Variants in RPL22 observed in about 807,000 individuals in gnomAD.
RPL22 encodes the protein ribosomal protein L22, also known as large ribosomal subunit protein eL22.
A neutral mutation model predicts 16.2 loss-of-function variants in RPL22; 4 were observed. The observed-to-expected ratio is 0.25, with a 90% confidence interval of 0.12 to 0.57. RPL22 has a LOEUF of 0.57. RPL22 is among the 20% of genes least tolerant of loss of function. The pLI is 0.92. For synonymous variants in RPL22, 43 were observed against 54.8 expected (o/e 0.78, Z 0.95); for missense variants, 83 against 156.1 (o/e 0.53, Z 2.49).
chr1:6,196,305 C>A (rs529223960), intron 2 of RPL22, among the ~76,000 whole-genome samples: 1 of 151,960 alleles, frequency 6.6e-6, no homozygotes, highest in Admixed American at 6.6e-5. Context: ...CATGTGAATA[C>A]CAAACTGGAA....
rs778744799 is a variant in RPL22 at position 6,199,353 on chromosome 1, G to A, written c.12+209C>T. ...GGGCCCCGGGCCTCCGAGACCTCCC[G>A]GATCTCCCTCACGAGCCTCGGGCCG... On this transcript the variant is annotated intron_variant, in intron 1 of 3. Coordinates refer to ENST00000234875, the MANE Select transcript of RPL22 (RefSeq NM_000983.4). 1.2e-3 allele frequency: 1,576 copies of A among 1,302,096 alleles called. 3 individuals carry two copies. The highest frequency in any genetic ancestry group is 7.7e-3 in the Middle Eastern group (26 of 3,394). 80.7% of individuals were successfully genotyped at this position (1,302,096 alleles called of 1,614,324 possible).
chr1:6,196,532 C>A (rs1335698852), intron 2 of RPL22, among the ~76,000 whole-genome samples: 1 of 152,108 alleles, frequency 6.6e-6, no homozygotes, highest in Non-Finnish European at 1.5e-5. Flanking sequence ...TGATACTGAT[C>A]CTGGCAATAG....
Position 6,185,255 on chromosome 1 carries a change from T to G in RPL22, c.*1417A>C. ...GGAACATCAATGCAACAAGTAGAAT[T>G]TGTAAACTCAAGCCACAAACTTAGT... On this transcript the variant is annotated 3_prime_UTR_variant, in exon 4 of 4. Coordinates refer to ENST00000234875, the MANE Select transcript of RPL22 (RefSeq NM_000983.4). 1 of 398,932 alleles carries G rather than the reference T, an allele frequency of 2.5e-6. No individual in the cohort carries two copies. Among genetic ancestry groups the G allele is most frequent in the Non-Finnish European group, 4.4e-6 (1 of 226,046 alleles). 24.7% of individuals were successfully genotyped at this position (398,932 alleles called of 1,614,324 possible).
At position 6,186,426 on chromosome 1, in the gene RPL22, T is replaced by A; in HGVS notation, c.*246A>T. On this transcript the variant is annotated 3_prime_UTR_variant, in exon 4 of 4. Coordinates refer to ENST00000234875, the MANE Select transcript of RPL22 (RefSeq NM_000983.4). ...TCCACACCCGCATCTGCCTCCCCAATGGCTGTCAGTTCGGTAAAGTCACCC... is the reference window on the plus strand; with the variant it reads ...TCCACACCCGCATCTGCCTCCCCAAAGGCTGTCAGTTCGGTAAAGTCACCC... The A allele has an allele frequency of 2.5e-6, 1 of 394,886 alleles. No individual in the cohort carries two copies. Among genetic ancestry groups the A allele is most frequent in the South Asian group, 3.2e-5 (1 of 30,830 alleles). The allele number at this position is 394,886 out of a possible 1,614,324, so 24.5% of individuals were successfully genotyped here. A position where few individuals can be genotyped will look rare whatever the true frequency, so the allele number is the denominator to read the frequency against.
intron 1 of RPL22, 47 bp downstream of exon 1, chr1:6,199,515 C>T: frequency 6.5e-7 from 1 of 1,549,792 alleles, no homozygotes; most frequent in East Asian, 2.4e-5. Context: ...TCGGCGAGGC[C>T]CACGTGCCTC....
chr1:6,187,625 A>AC (rs1667599546), intron 3 of RPL22, among the ~76,000 whole-genome samples: 1 of 150,882 alleles, frequency 6.6e-6, no homozygotes, highest in Non-Finnish European at 1.5e-5. Flanking sequence ...AAAAAAAAAA[A>AC]ACAAAAAAAA....
Position 6,186,140 on chromosome 1 carries a change from TC to T in RPL22, c.*531del, listed in dbSNP as rs1667579266. 1 of 233,536 alleles carries T rather than the reference TC, an allele frequency of 4.3e-6. No homozygotes were observed. The highest frequency in any genetic ancestry group is 5.6e-5 in the Admixed American group (1 of 17,880). 14.5% of individuals were successfully genotyped at this position (233,536 alleles called of 1,614,324 possible). A position where few individuals can be genotyped will look rare whatever the true frequency, so the allele number is the denominator to read the frequency against. ...ACACTGAAGGAGCACAGTTTCTCTCTCTAGGAAGAAGAGGATTAGCAGACAT... is the reference window on the plus strand; with the variant it reads ...ACACTGAAGGAGCACAGTTTCTCTCTTAGGAAGAAGAGGATTAGCAGACAT... On this transcript the variant is annotated 3_prime_UTR_variant, in exon 4 of 4. Transcript: ENST00000234875.
Position 6,185,148 on chromosome 1 carries a change from A to G in RPL22, c.*1524T>C, listed in dbSNP as rs1455340114. ...ATTACAAGTTTTCAAATCTGGGACT[A>G]GTTTCTTTTTTTCTTTTAACTGAAA... On this transcript the variant is annotated 3_prime_UTR_variant, in exon 4 of 4. Coordinates refer to ENST00000234875, the MANE Select transcript of RPL22 (RefSeq NM_000983.4). The G allele has an allele frequency of 5.1e-6, 2 of 394,794 alleles. No homozygotes were observed. Among genetic ancestry groups the G allele is most frequent in the African/African-American group, 4.1e-5 (2 of 48,602 alleles). 24.5% of individuals were successfully genotyped at this position (394,794 alleles called of 1,614,324 possible). A position where few individuals can be genotyped will look rare whatever the true frequency, so the allele number is the denominator to read the frequency against.
intron 3 of RPL22, among the ~76,000 whole-genome samples, chr1:6,188,664 A>C (rs1667611667): frequency 6.6e-6 from 1 of 151,962 alleles, no homozygotes; most frequent in Non-Finnish European, 1.5e-5. Flanking sequence ...TTCACAACAC[A>C]CAAACCCACA....
intron 2 of RPL22, among the ~76,000 whole-genome samples, chr1:6,194,666 T>C (rs1434050667): frequency 6.6e-6 from 1 of 152,070 alleles, no homozygotes; most frequent in Non-Finnish European, 1.5e-5. Context: ...GCAGGAAGAT[T>C]GCTCAAGCCC....
At chr1:6,197,268 G>A (rs1018877679) in intron 2 of RPL22, among the ~76,000 whole-genome samples, 6 of 152,196 alleles carry the variant, frequency 3.9e-5, no homozygotes, top group African/African-American at 1.4e-4. Flanking sequence ...CTGACCTCAT[G>A]ATCTGCCCGC....
chr1:6,199,320 C>T (rs375294396), intron 1 of RPL22: 5 of 1,167,042 alleles, frequency 4.3e-6, no homozygotes, highest in Non-Finnish European at 4.4e-6. Context: ...CCCGCTAGCC[C>T]CTAGCTGGGG....
intron 2 of RPL22, among the ~76,000 whole-genome samples, chr1:6,194,689 C>T (rs1374008670): frequency 1.3e-5 from 2 of 152,082 alleles, no homozygotes; most frequent in African/African-American, 2.4e-5. Context: ...GAGTTCAAGA[C>T]GAGCCTGGGC....
rs1397500915 is a variant in RPL22, at chr1:6,185,463, C to G, written c.*1209G>C. On this transcript the variant is annotated 3_prime_UTR_variant, in exon 4 of 4. Coordinates refer to ENST00000234875, the MANE Select transcript of RPL22 (RefSeq NM_000983.4). Reference sequence around the variant, plus strand: ...CAAGTGAAATTGCAAAGCCTCAACACGTTCAACTCAATCCACAGAGCACCA... The same window carrying G: ...CAAGTGAAATTGCAAAGCCTCAACAGGTTCAACTCAATCCACAGAGCACCA... 4.3e-5 allele frequency: 17 copies of G among 398,160 alleles called. No individual in the cohort carries two copies. Among genetic ancestry groups the G allele is most frequent in the Non-Finnish European group, 7.1e-5 (16 of 225,732 alleles). 24.7% of individuals were successfully genotyped at this position (398,160 alleles called of 1,614,324 possible). A position where few individuals can be genotyped will look rare whatever the true frequency, so the allele number is the denominator to read the frequency against.
Position 6,193,048 on chromosome 1 carries a change from A to C in RPL22, c.124T>G (p.Phe42Val). ...TTCACTTTGATCCTTTCTTGCAAAAACTGCTCCTGTAGAAATCATTAAATT... is the reference window on the plus strand; with the variant it reads ...TTCACTTTGATCCTTTCTTGCAAAACCTGCTCCTGTAGAAATCATTAAATT... ...GIMDAANFEQFLQERIKVNGK... is the reference protein window; with the variant it reads ...GIMDAANFEQVLQERIKVNGK... Residue 42 changes from phenylalanine (F) to valine (V), a missense_variant, in exon 3 of 4, where the codon TTT becomes GTT. Coordinates refer to ENST00000234875, the MANE Select transcript of RPL22 (RefSeq NM_000983.4). 6.2e-7 allele frequency: 1 copy of C among 1,614,112 alleles called. No homozygotes were observed. The highest frequency in any genetic ancestry group is 1.3e-5 in the African/African-American group (1 of 75,042).
At chr1:6,193,640 G>A (rs1374166268) in intron 2 of RPL22, among the ~76,000 whole-genome samples, 4 of 150,930 alleles carry the variant, frequency 2.7e-5, no homozygotes, top group African/African-American at 7.3e-5. Context: ...TTTAAGAGAA[G>A]GGGTCTCTCT....
At chr1:6,198,372 A>G (rs1376070486) in intron 1 of RPL22, 2 of 152,422 alleles carry the variant, frequency 1.3e-5, no homozygotes, top group African/African-American at 4.8e-5. Flanking sequence ...ACTACCGTCA[A>G]GAACTTCTGA....
chr1:6,197,929 T>C (rs1223635533), intron 1 of RPL22, 173 bp from the exon 2 acceptor site: 3 of 620,694 alleles, frequency 4.8e-6, no homozygotes, highest in Non-Finnish European at 5.7e-6. Context: ...GCCAGAGGTA[T>C]AATGGGGCAG....
rs910519540 is a variant in RPL22 at position 6,186,176 on chromosome 1, C to T, written c.*496G>A. Reference sequence around the variant, plus strand: ...GAGGATTAGCAGACATAATTGTGTGCGTCAAGAGAAATTTGTAATCAAAAA... The same window carrying T: ...GAGGATTAGCAGACATAATTGTGTGTGTCAAGAGAAATTTGTAATCAAAAA... On this transcript the variant is annotated 3_prime_UTR_variant, in exon 4 of 4. Coordinates refer to ENST00000234875, the MANE Select transcript of RPL22 (RefSeq NM_000983.4). The T allele has an allele frequency of 6.0e-5, 14 of 235,276 alleles. No individual in the cohort carries two copies. Among genetic ancestry groups the T allele is most frequent in the Non-Finnish European group, 1.1e-4 (13 of 119,754 alleles). The allele number at this position is 235,276 out of a possible 1,614,324, so 14.6% of individuals were successfully genotyped here. A position where few individuals can be genotyped will look rare whatever the true frequency, so the allele number is the denominator to read the frequency against.
Sources: allele counts gnomAD v4.1 joint callset (sites outside exome capture counted in the v4.1 genomes callset), GRCh38; gene constraint gnomAD v4.1.1; transcripts MANE v1.5; gene names NCBI Gene and HGNC (gene_info 2026-07-23, HGNC 2026-07-21).